DDX10: variants seen among roughly 807,000 people sequenced by gnomAD.
DDX10 encodes the protein DEAD-box helicase 10, also known as probable ATP-dependent RNA helicase DDX10.
Under a neutral mutation model 104.3 loss-of-function variants are expected in DDX10, and 74 were observed. The ratio of observed to expected loss-of-function variants is 0.71; its 90% CI spans 0.59 to 0.86. The LOEUF is 0.86. Among genes scored for constraint, DDX10 ranks in the 40% least tolerant of loss-of-function variants. The pLI is 0.00. For missense variants in DDX10, 952 were observed against 1,040.0 expected (o/e 0.92, Z 1.16); for synonymous variants, 351 against 353.4 (o/e 0.99, Z 0.08).
rs142381520 is a variant in DDX10 at position 108,837,607 on chromosome 11, C to CTTTTTTTTTT, written c.1966-813_1966-804dup. ...TTCTGCATCTCACCTTTGGATACAGCTTTTTTTTTTTTTTTTTTTTTTTTT... is the reference window on the plus strand; with the variant it reads ...TTCTGCATCTCACCTTTGGATACAGCTTTTTTTTTTTTTTTTTTTTTTTTTTTTTTTTTTT... On this transcript the variant is annotated intron_variant, in intron 13 of 17. Transcript: ENST00000322536. Among the ~76,000 whole-genome samples, 44 of 34,748 alleles carry CTTTTTTTTTT rather than the reference C, an allele frequency of 1.3e-3. 17 individuals carry two copies. Among genetic ancestry groups the CTTTTTTTTTT allele is most frequent in the African/African-American group, 3.4e-3 (27 of 7,928 alleles). The allele number at this position is 34,748 out of a possible 152,430, so 22.8% of individuals were successfully genotyped here.
At chr11:108,808,907 G>A (rs1343697620) in intron 13 of DDX10, among the ~76,000 whole-genome samples, 1 of 152,166 alleles carries the variant, frequency 6.6e-6, no homozygotes, top group East Asian at 1.9e-4. Context: ...GGGCATGTAC[G>A]TAGTTTTTAT....
intron 16 of DDX10, among the ~76,000 whole-genome samples, chr11:108,854,379 T>C (rs985262418): frequency 2.6e-5 from 4 of 152,354 alleles, no homozygotes; most frequent in Middle Eastern, 3.4e-3. Flanking sequence ...ACTTAGTTTT[T>C]GAGTAAACTT....
At chr11:108,880,242 G>A (rs183195440) in intron 16 of DDX10, among the ~76,000 whole-genome samples, 30 of 152,278 alleles carry the variant, frequency 2.0e-4, no homozygotes, top group Admixed American at 1.2e-3. Flanking sequence ...AGTGGGGGGT[G>A]TAGAATGATA....
At chr11:108,847,801 G>A (rs1862739239) in intron 15 of DDX10, among the ~76,000 whole-genome samples, 1 of 152,126 alleles carries the variant, frequency 6.6e-6, no homozygotes, top group Admixed American at 6.6e-5. Context: ...CATATTATAT[G>A]CTAATAATTA....
intron 1 of DDX10, among the ~76,000 whole-genome samples, chr11:108,670,594 T>C (rs184189879): frequency 7.5e-4 from 114 of 152,296 alleles, no homozygotes; most frequent in African/African-American, 2.7e-3. Flanking sequence ...ACTATGCTTC[T>C]CACAGCAGGA....
intron 16 of DDX10, among the ~76,000 whole-genome samples, chr11:108,881,777 A>G (rs951264722): frequency 6.6e-6 from 1 of 152,166 alleles, no homozygotes; most frequent in African/African-American, 2.4e-5. Context: ...TCAATTTGTG[A>G]TAGGTTTATC....
chr11:108,788,809 C>T (rs568364050), intron 13 of DDX10, among the ~76,000 whole-genome samples: 1 of 152,272 alleles, frequency 6.6e-6, no homozygotes, highest in East Asian at 1.9e-4. Flanking sequence ...CTCTTTTGTA[C>T]TTTGGTTCTT....
intron 17 of DDX10, among the ~76,000 whole-genome samples, chr11:108,927,935 A>C (rs969475579): frequency 6.6e-6 from 1 of 152,124 alleles, no homozygotes; most frequent in African/African-American, 2.4e-5. Context: ...CACCGTGCCC[A>C]GCTGGAACAT....
At chr11:108,728,504 CTTTTTTTTTTT>C (rs71050884) in intron 13 of DDX10, among the ~76,000 whole-genome samples, 10 of 121,822 alleles carry the variant, frequency 8.2e-5, no homozygotes, top group African/African-American at 3.3e-4. Context: ...CACATTTGTT[CTTTTTTTTTTT>C]TTTTTTTTTT....
chr11:108,934,787 T>C (rs1050388168), intron 17 of DDX10, among the ~76,000 whole-genome samples: 2 of 152,164 alleles, frequency 1.3e-5, no homozygotes, highest in South Asian at 2.1e-4. Context: ...CTTATATAAT[T>C]TTTAAAAACA....
chr11:108,874,941 C>T (rs1409325847), intron 16 of DDX10, among the ~76,000 whole-genome samples: 2 of 152,018 alleles, frequency 1.3e-5, no homozygotes, highest in East Asian at 1.9e-4. Context: ...TTATTTAAAC[C>T]CTTAGAGCAA....
chr11:108,877,928 G>C (rs1863174259), intron 16 of DDX10, among the ~76,000 whole-genome samples: 1 of 152,170 alleles, frequency 6.6e-6, no homozygotes, highest in Non-Finnish European at 1.5e-5. Flanking sequence ...AGGCACAGCT[G>C]GATGGGGCTA....
At chr11:108,788,507 T>C (rs2615722) in intron 13 of DDX10, among the ~76,000 whole-genome samples, 151,530 of 152,278 alleles carry the variant, frequency 1, 75,398 homozygotes, top group Middle Eastern at 1. Flanking sequence ...GGATTACAGG[T>C]ATGCGCCACC....
intron 13 of DDX10, among the ~76,000 whole-genome samples, chr11:108,829,541 G>T (rs1862441170): frequency 6.6e-6 from 1 of 152,194 alleles, no homozygotes; most frequent in African/African-American, 2.4e-5. Context: ...TCTGTGGGTT[G>T]TCTGTTAACT....
At chr11:108,806,151 C>T (rs574922438) in intron 13 of DDX10, among the ~76,000 whole-genome samples, 21 of 152,070 alleles carry the variant, frequency 1.4e-4, no homozygotes, top group African/African-American at 3.1e-4. Flanking sequence ...TTAGTAGAGA[C>T]GGGGTCTCTC....
chr11:108,804,743 T>C (rs1329911802), intron 13 of DDX10, among the ~76,000 whole-genome samples: 1 of 152,162 alleles, frequency 6.6e-6, no homozygotes, highest in Non-Finnish European at 1.5e-5. Flanking sequence ...GCATTTCTTT[T>C]GACAGCTGTA....
chr11:108,805,476 T>C (rs1285444375), intron 13 of DDX10, among the ~76,000 whole-genome samples: 3 of 152,252 alleles, frequency 2.0e-5, no homozygotes, highest in African/African-American at 7.2e-5. Context: ...GATAATTATT[T>C]TTTCAGATTT....
At chr11:108,670,855 T>G (rs1398803718) in intron 1 of DDX10, among the ~76,000 whole-genome samples, 2 of 152,160 alleles carry the variant, frequency 1.3e-5, no homozygotes, top group Non-Finnish European at 2.9e-5. Context: ...TTTGCTGTTC[T>G]TCTCTTGACG....
chr11:108,888,196 A>G (rs555410425), intron 16 of DDX10, among the ~76,000 whole-genome samples: 1 of 152,268 alleles, frequency 6.6e-6, no homozygotes, highest in South Asian at 2.1e-4. Flanking sequence ...ATTTTTCTGG[A>G]GGCCATAAAC....
Sources: allele counts gnomAD v4.1 joint callset (sites outside exome capture counted in the v4.1 genomes callset), GRCh38; gene constraint gnomAD v4.1.1; transcripts MANE v1.5; gene names NCBI Gene and HGNC (gene_info 2026-07-23, HGNC 2026-07-21).